Variants in TNFRSF21 observed in about 807,000 individuals in gnomAD.
The protein encoded by TNFRSF21 is TNF receptor superfamily member 21.
In TNFRSF21, 19 loss-of-function variants were observed where a neutral mutation model predicts 45.6. The ratio of observed to expected loss-of-function variants is 0.42; its 90% CI spans 0.29 to 0.61. The LOEUF is 0.61. TNFRSF21 is among the 20% of genes least tolerant of loss of function. TNFRSF21 has a pLI of 0.23. For synonymous variants in TNFRSF21, 314 were observed against 335.5 expected (o/e 0.94, Z 0.70); for missense variants, 737 against 851.5 (o/e 0.87, Z 1.67).
intron 4 of TNFRSF21, among the ~76,000 whole-genome samples, chr6:47,249,257 C>T (rs1764866715): frequency 6.6e-6 from 1 of 152,172 alleles, no homozygotes; most frequent in Admixed American, 6.5e-5. Flanking sequence ...GCCCAAAGTG[C>T]CTGTTATAAT....
intron 4 of TNFRSF21, among the ~76,000 whole-genome samples, chr6:47,252,550 CATCTT>C (rs1764914037): frequency 6.6e-6 from 1 of 152,214 alleles, no homozygotes; most frequent in Non-Finnish European, 1.5e-5. Context: ...CTTTATTTCT[CATCTT>C]AATCTTATAT....
At chr6:47,249,475 A>C (rs1199512021) in intron 4 of TNFRSF21, among the ~76,000 whole-genome samples, 2 of 152,216 alleles carry the variant, frequency 1.3e-5, no homozygotes, top group African/African-American at 2.4e-5. Context: ...TTTCAGACCA[A>C]GAAAAACAGA....
rs192628659 is a variant in TNFRSF21 at position 47,292,339 on chromosome 6, G to A, written c.97-5744C>T. Among the ~76,000 whole-genome samples, 491 of 151,876 alleles carry A rather than the reference G, an allele frequency of 3.2e-3. 7 individuals are homozygous for A. The highest frequency in any genetic ancestry group is 0.03 in the Admixed American group (460 of 15,266). Reference sequence around the variant, plus strand: ...TAGATCGGAGGCTCACCAAAGCCTCGGGTCTCAAAGGCAGCATCAAAATTA... The same window carrying A: ...TAGATCGGAGGCTCACCAAAGCCTCAGGTCTCAAAGGCAGCATCAAAATTA... On this transcript the variant is annotated intron_variant, in intron 1 of 5. Coordinates refer to ENST00000296861, the MANE Select transcript of TNFRSF21 (RefSeq NM_014452.5).
At chr6:47,308,201 C>T (rs1762966753) in intron 1 of TNFRSF21, among the ~76,000 whole-genome samples, 1 of 152,210 alleles carries the variant, frequency 6.6e-6, no homozygotes, top group African/African-American at 2.4e-5. Flanking sequence ...CCTCTTAAAA[C>T]ACACACACAA....
intron 1 of TNFRSF21, among the ~76,000 whole-genome samples, chr6:47,298,178 C>T (rs1313310519): frequency 2.7e-5 from 4 of 150,176 alleles, no homozygotes; most frequent in South Asian, 4.2e-4. Context: ...AATGATTCTA[C>T]GGTCTTAAAA....
chr6:47,260,551 G>C (rs1765059809), intron 3 of TNFRSF21, among the ~76,000 whole-genome samples: 1 of 152,166 alleles, frequency 6.6e-6, no homozygotes, highest in Non-Finnish European at 1.5e-5. Flanking sequence ...TGCAAAAATG[G>C]GTTCCTTCTC....
intron 4 of TNFRSF21, among the ~76,000 whole-genome samples, chr6:47,239,159 G>A (rs181831076): frequency 1.6e-4 from 24 of 152,122 alleles, no homozygotes; most frequent in Admixed American, 7.9e-4. Context: ...GGTGGCACAT[G>A]CCTGTAATCC....
At chr6:47,236,115 C>T (rs556529640) in intron 4 of TNFRSF21, among the ~76,000 whole-genome samples, 174 of 152,310 alleles carry the variant, frequency 1.1e-3, no homozygotes, top group Middle Eastern at 6.8e-3. Flanking sequence ...CCAAAGAGGG[C>T]ACACAGCTAC....
intron 3 of TNFRSF21, among the ~76,000 whole-genome samples, chr6:47,269,644 T>C (rs1180382480): frequency 6.6e-6 from 1 of 152,216 alleles, no homozygotes; most frequent in African/African-American, 2.4e-5. Context: ...AGGCAAATAA[T>C]GCAACATATG....
intron 3 of TNFRSF21, among the ~76,000 whole-genome samples, chr6:47,280,412 T>C (rs1279609681): frequency 6.6e-6 from 1 of 152,182 alleles, no homozygotes; most frequent in Non-Finnish European, 1.5e-5. Flanking sequence ...ACAGAACCTC[T>C]CTTTGTAATA....
At chr6:47,270,173 C>T (rs1163239466) in intron 3 of TNFRSF21, among the ~76,000 whole-genome samples, 4 of 152,144 alleles carry the variant, frequency 2.6e-5, no homozygotes, top group Non-Finnish European at 2.9e-5. Flanking sequence ...TGAGAAGGGA[C>T]AGACTGCCTC....
At chr6:47,259,918 A>G (rs1041097627) in intron 3 of TNFRSF21, among the ~76,000 whole-genome samples, 1 of 152,210 alleles carries the variant, frequency 6.6e-6, no homozygotes, top group Admixed American at 6.5e-5. Context: ...TGTTAGTTGC[A>G]TGACCCTGAG....
In TNFRSF21 at chr6:47,309,711, C is replaced by A. The variant is rs1407957661; in HGVS notation, c.-200G>T. The A allele has an allele frequency of 2.9e-6, 2 of 693,310 alleles. No individual in the cohort carries two copies. Among genetic ancestry groups the A allele is most frequent in the African/African-American group, 3.7e-5 (2 of 53,692 alleles). 42.9% of individuals were successfully genotyped at this position (693,310 alleles called of 1,614,324 possible). On this transcript the variant is annotated 5_prime_UTR_variant, in exon 1 of 6. Coordinates refer to ENST00000296861, the MANE Select transcript of TNFRSF21 (RefSeq NM_014452.5). ...CTAGGGGCGCTCAGCACCTGCCCAG[C>A]GGCGCGGCCGCCCAGGCGGGGAGAA...
chr6:47,290,261 C>T (rs540820803), intron 1 of TNFRSF21, among the ~76,000 whole-genome samples: 1 of 151,912 alleles, frequency 6.6e-6, no homozygotes, highest in South Asian at 2.1e-4. Flanking sequence ...CGATGAATAT[C>T]ACTCTGATGT....
chr6:47,308,700 C>T (rs932384340), intron 1 of TNFRSF21, among the ~76,000 whole-genome samples: 3 of 152,224 alleles, frequency 2.0e-5, no homozygotes, highest in East Asian at 1.9e-4. Flanking sequence ...ATCTCCTTCC[C>T]CCTCCCCCCA....
intron 1 of TNFRSF21, among the ~76,000 whole-genome samples, chr6:47,291,143 G>T (rs1762718523): frequency 6.6e-6 from 1 of 152,116 alleles, no homozygotes; most frequent in South Asian, 2.1e-4. Flanking sequence ...TTAGGCAGAG[G>T]GAACACCAGA....
chr6:47,309,201 T>C (rs1762981832), intron 1 of TNFRSF21, among the ~76,000 whole-genome samples: 1 of 152,148 alleles, frequency 6.6e-6, no homozygotes, highest in Admixed American at 6.5e-5. Flanking sequence ...TTCGTCTTCA[T>C]TCCCCAGCCC....
At chr6:47,309,179 C>T (rs1762981693) in intron 1 of TNFRSF21, among the ~76,000 whole-genome samples, 1 of 152,188 alleles carries the variant, frequency 6.6e-6, no homozygotes, top group African/African-American at 2.4e-5. Flanking sequence ...AGCCAGACTG[C>T]AAGGAAAACA....
At chr6:47,260,177 G>A (rs1235963738) in intron 3 of TNFRSF21, among the ~76,000 whole-genome samples, 1 of 152,130 alleles carries the variant, frequency 6.6e-6, no homozygotes, top group Non-Finnish European at 1.5e-5. Flanking sequence ...GATTATTGGT[G>A]CTGAACAATG....
Sources: gnomAD v4.1 joint callset for allele counts (sites outside exome capture counted in the v4.1 genomes callset) on GRCh38, gnomAD v4.1.1 for gene constraint, MANE v1.5 for transcripts, NCBI Gene and HGNC (gene_info 2026-07-23, HGNC 2026-07-21) for gene names.